Variants in TNRC6C observed in about 807,000 individuals in gnomAD.
TNRC6C encodes trinucleotide repeat containing adaptor 6C.
Under a neutral mutation model 153.7 loss-of-function variants are expected in TNRC6C, and 20 were observed. That is an observed-to-expected ratio of 0.13 (90% CI 0.09 to 0.19). TNRC6C has a LOEUF of 0.19. TNRC6C is among the 10% of genes least tolerant of loss of function. The probability of loss-of-function intolerance (pLI) is 1.00; values close to 1 mark genes in which losing one functional copy is unlikely to be tolerated. For missense variants in TNRC6C, 1,987 were observed against 2,172.0 expected, an observed-to-expected ratio of 0.91 and a Z score of 1.69; for synonymous variants, 811 against 841.4, an observed-to-expected ratio of 0.96 and a Z score of 0.63.
chr17:77,992,217 C>CACT (rs1404757893), intron 1 of TNRC6C, among the ~76,000 whole-genome samples: 22 of 121,262 alleles, frequency 1.8e-4, no homozygotes, highest in South Asian at 5.5e-4. Context: ...TAAGCAAAAC[C>CACT]GGCCGGGCGC....
In TNRC6C at chr17:78,050,180, C is replaced by G. The variant is rs2072494973; in HGVS notation, c.1118C>G (p.Pro373Arg). ...AGTCCTAGTGTCACCAGCCAGAACC[C>G]TACCGTACAGCCTGGTGGTGAACAC... Residue 373 changes from proline to arginine, a missense_variant, in exon 3 of 20, where the codon CCT becomes CGT. By Grantham distance (103) the Pro-to-Arg change is moderately radical (BLOSUM62 -2). This residue lies in a region of TNRC6C where 1,052 missense variants were observed against 1,017.0 expected (regional missense o/e 1.03). Coordinates refer to ENST00000301624, the Ensembl canonical transcript of TNRC6C. 1.9e-6 allele frequency: 3 copies of G among 1,558,252 alleles called. No homozygotes were observed. In the East Asian group the frequency reaches 6.7e-5, roughly 35 times the overall value.
chr17:78,021,552 G>A (rs2071832033), intron 1 of TNRC6C, among the ~76,000 whole-genome samples: 1 of 152,130 alleles, frequency 6.6e-6, no homozygotes, highest in Non-Finnish European at 1.5e-5. Flanking sequence ...GAGGAGACAT[G>A]GAATAGGTTA....
intron 2 of TNRC6C, 25 bp downstream of exon 4, chr17:78,031,867 T>C (rs755712578): frequency 8.1e-7 from 1 of 1,232,086 alleles, no homozygotes; most frequent in African/African-American, 1.5e-5. Context: ...GGATGAGACA[T>C]TGTTTTGATC....
intron 2 of TNRC6C, among the ~76,000 whole-genome samples, chr17:78,037,453 A>G (rs1258249745): frequency 1.3e-5 from 2 of 152,250 alleles, no homozygotes; most frequent in Non-Finnish European, 2.9e-5. Flanking sequence ...ATAGAGTGCC[A>G]CATGGGAAGG....
At chr17:78,043,725 C>T (rs1186741327) in intron 2 of TNRC6C, among the ~76,000 whole-genome samples, 6 of 152,038 alleles carry the variant, frequency 3.9e-5, no homozygotes, top group African/African-American at 9.7e-5. Context: ...TTCTCCCCAC[C>T]CCTCACTCTC....
At chr17:78,088,023 G>A (rs1367851770) in intron 13 of TNRC6C, among the ~76,000 whole-genome samples, 4 of 152,200 alleles carry the variant, frequency 2.6e-5, no homozygotes, top group East Asian at 1.9e-4. Context: ...AAGGGTTATC[G>A]GTAACTTGGA....
chr17:78,030,502 A>C (rs1275780426), intron 1 of TNRC6C, among the ~76,000 whole-genome samples: 1 of 152,140 alleles, frequency 6.6e-6, no homozygotes, highest in African/African-American at 2.4e-5. Flanking sequence ...ATGTGTTGTG[A>C]CATTGCAACG....
At chr17:77,961,395 A>T (rs1012110059) in intron 1 of TNRC6C, among the ~76,000 whole-genome samples, 1 of 152,160 alleles carries the variant, frequency 6.6e-6, no homozygotes, top group Non-Finnish European at 1.5e-5. Flanking sequence ...ACTTCAGGTG[A>T]TCCGCCTGTC....
intron 1 of TNRC6C, among the ~76,000 whole-genome samples, chr17:77,985,333 G>A (rs930556827): frequency 2.6e-5 from 4 of 151,792 alleles, no homozygotes; most frequent in African/African-American, 7.3e-5. Flanking sequence ...AGTGGCTCAC[G>A]CCTGTAATCC....
At chr17:78,044,066 T>C (rs2072355581) in intron 2 of TNRC6C, among the ~76,000 whole-genome samples, 1 of 152,222 alleles carries the variant, frequency 6.6e-6, no homozygotes, top group Non-Finnish European at 1.5e-5. Flanking sequence ...CTTTTGGGTA[T>C]ATACCTAGGA....
chr17:78,006,489 TTCTTTCTTCTTC>T (rs1262448867), intron 1 of TNRC6C, among the ~76,000 whole-genome samples: 26 of 142,022 alleles, frequency 1.8e-4, no homozygotes, highest in East Asian at 6.1e-4. Context: ...CTTCTTCTTC[TTCTTTCTTCTTC>T]TTCTTCTTCT....
At chr17:78,098,413 T>C (rs1167926964) in exon 17 of TNRC6C, 1 of 1,613,856 alleles carries the variant, frequency 6.2e-7, no homozygotes, top group Non-Finnish European at 8.5e-7. Context: ...CTCTGTCTCA[T>C]GAACTATGGA....
chr17:78,007,930 T>C (rs1319758614), intron 1 of TNRC6C, among the ~76,000 whole-genome samples: 2 of 152,224 alleles, frequency 1.3e-5, no homozygotes, highest in African/African-American at 4.8e-5. Context: ...TTTGACTTAA[T>C]TTTCTCAATA....
chr17:78,070,350 C>T (rs1361968737), intron 5 of TNRC6C, among the ~76,000 whole-genome samples: 1 of 152,184 alleles, frequency 6.6e-6, no homozygotes, highest in Non-Finnish European at 1.5e-5. Flanking sequence ...ATAGCTGTGG[C>T]AGGCTCAATT....
rs2144340202 is a variant in TNRC6C, at chr17:78,075,139, C to A, written c.2921C>A (p.Ala974Asp). ...GCTTCTGTTTGTTGTGCTCCAGGCG[C>A]TCTGCTGGAAAAGAAGGTGGACGTG... The change falls in exon 8 of 20, where the codon GCT becomes GAT. Residue 974 changes from alanine to aspartate, a missense_variant. Ala to Asp is a moderately radical substitution (Grantham distance 126). Around this residue, in one of 4 missense-constraint regions of TNRC6C, gnomAD observed 765 missense variants for 908.6 expected, o/e 0.84. Transcript: ENST00000301624. The surrounding 1 kb of genome is among the most constrained non-coding windows in gnomAD (Gnocchi z 4.2). 6.2e-7 allele frequency: 1 copy of A among 1,613,358 alleles called. No homozygotes were observed. Among genetic ancestry groups the A allele is most frequent in the East Asian group, 2.2e-5 (1 of 44,878 alleles).
At chr17:78,029,743 C>A (rs2072023264) in intron 1 of TNRC6C, among the ~76,000 whole-genome samples, 1 of 151,796 alleles carries the variant, frequency 6.6e-6, no homozygotes, top group Admixed American at 6.6e-5. Flanking sequence ...TCTTTATATC[C>A]TTATTCTGTA....
chr17:78,098,608 G>C, intron 17 of TNRC6C, 71 bp downstream of exon 20: 1 of 1,499,506 alleles, frequency 6.7e-7, no homozygotes, highest in Non-Finnish European at 9.0e-7. Flanking sequence ...ACTTTGTCCT[G>C]TACCTCCTTT....
intron 13 of TNRC6C, among the ~76,000 whole-genome samples, chr17:78,089,386 T>C (rs1321574566): frequency 6.6e-6 from 1 of 152,214 alleles, no homozygotes; most frequent in Non-Finnish European, 1.5e-5. Flanking sequence ...CACAGTAAAG[T>C]TATAAATGTA....
At chr17:77,961,008 C>T (rs1299942522) in intron 1 of TNRC6C, among the ~76,000 whole-genome samples, 1 of 151,890 alleles carries the variant, frequency 6.6e-6, no homozygotes, top group East Asian at 1.9e-4. Flanking sequence ...ATAGTCAGGC[C>T]GTGAGAAATT....
Sources: allele counts gnomAD v4.1 joint callset (sites outside exome capture counted in the v4.1 genomes callset), GRCh38; gene constraint gnomAD v4.1.1; regional missense constraint gnomAD v4.1.1; non-coding constraint Gnocchi (gnomAD v3.1); transcripts MANE v1.5; gene names NCBI Gene and HGNC (gene_info 2026-07-23, HGNC 2026-07-21).